DUSP2: variants seen among roughly 807,000 people sequenced by gnomAD.
The protein encoded by DUSP2 is dual specificity protein phosphatase 2.
DUSP2 carries 20 observed loss-of-function variants against 23.3 expected under a neutral mutation model. The ratio of observed to expected loss-of-function variants is 0.86; its 90% CI spans 0.60 to 1.25. DUSP2 has a LOEUF of 1.25. Among genes scored for constraint, DUSP2 ranks in the 50% most tolerant of loss-of-function variants. DUSP2 has a pLI of 0.00. For missense variants in DUSP2, 435 were observed against 452.6 expected, an observed-to-expected ratio of 0.96 and a Z score of 0.35; for synonymous variants, 231 against 209.7, an observed-to-expected ratio of 1.10 and a Z score of -0.88.
In DUSP2 at chr2:96,145,081, C is replaced by T. The variant is rs1003801270; in HGVS notation, c.274G>A (p.Asp92Asn). The change falls in exon 1 of 4, where the codon GAC becomes AAC. Residue 92 changes from aspartate (D) to asparagine (N), a missense_variant. Coordinates refer to ENST00000288943, the MANE Select transcript of DUSP2 (RefSeq NM_004418.4). ...TCCGCCACCGAGGCACTGCCCTCGTCCAGCACCACGGCCCGCGCCAGCTCC... is the reference window on the plus strand; with the variant it reads ...TCCGCCACCGAGGCACTGCCCTCGTTCAGCACCACGGCCCGCGCCAGCTCC... The part of the protein sequence containing the change: ...RGELARAVVL[D>N]EGSASVAELR... 1 of 1,489,686 alleles carries T rather than the reference C, an allele frequency of 6.7e-7. No homozygotes were observed. The highest frequency in any genetic ancestry group is 1.3e-5 in the South Asian group (1 of 78,088). 92.3% of individuals were successfully genotyped at this position (1,489,686 alleles called of 1,614,324 possible). A position where few individuals can be genotyped will look rare whatever the true frequency, so the allele number is the denominator to read the frequency against.
rs146609611 is a variant in DUSP2, at chr2:96,143,804, C to G, written c.*19G>C. On this transcript the variant is annotated 3_prime_UTR_variant, in exon 4 of 4. Transcript: ENST00000288943. The stretch of plus-strand genomic sequence containing the variant: ...GCTCCTGCCAGCACAGTGGGGCAGG[C>G]AGGCAGAGGGGCACCACCTCAGTGA... 8.8e-3 allele frequency: 14,177 copies of G among 1,610,132 alleles called. 68 individuals carry two copies. The highest frequency in any genetic ancestry group is 0.011 in the Non-Finnish European group (12,663 of 1,178,668).
chr2:96,144,793 G>A lies in DUSP2; in HGVS notation c.478C>T (p.Arg160Cys), dbSNP rs1416067799. The A allele has an allele frequency of 1.1e-5, 18 of 1,586,618 alleles. No homozygotes were observed. In the East Asian group the frequency reaches 3.0e-4, roughly 26 times the overall value. Reference sequence around the variant, plus strand: ...TAGACAGGAGCCCTGGAGTCGGAGCGGCTGGTTTTGTCCCCTGTTGGCGGC... The same window carrying A: ...TAGACAGGAGCCCTGGAGTCGGAGCAGCTGGTTTTGTCCCCTGTTGGCGGC... Reference protein sequence around the residue: ...ALPPTGDKTSRSDSRAPVYDQ... With the variant: ...ALPPTGDKTSCSDSRAPVYDQ... The change falls in exon 2 of 4, where the codon CGC (arginine) becomes TGC (cysteine). Residue 160 changes from arginine to cysteine, a missense_variant. Physicochemically the swap from Arg to Cys is radical, Grantham distance 180. Transcript: ENST00000288943.
chr2:96,144,998 G>A lies in DUSP2; in HGVS notation c.357C>T (p.Arg119=), dbSNP rs1313209623. The part of the protein sequence containing the change: ...VLLAALLHET[R]AGPTAVYFLR... ...GGAAGTACACGGCAGTGGGCCCCGC[G>A]CGGGTCTCGTGCAGCAGCGCGGCCA... The change falls in exon 1 of 4, where the codon CGC becomes CGT. Residue 119 remains arginine, a synonymous_variant. Transcript: ENST00000288943. The A allele has an allele frequency of 7.1e-6, 11 of 1,543,140 alleles. No homozygotes were observed. Among genetic ancestry groups the A allele is most frequent in the East Asian group, 4.8e-5 (2 of 41,770 alleles).
intron 2 of DUSP2, 124 bp downstream of exon 2, chr2:96,144,637 A>G (rs1324116166): frequency 1.1e-6 from 1 of 922,272 alleles, no homozygotes; most frequent in Non-Finnish European, 1.6e-6. Flanking sequence ...CAACACACAC[A>G]CGTATAAAAG....
chr2:96,143,909 C>T lies in DUSP2; in HGVS notation c.859G>A (p.Val287Ile), dbSNP rs201899099. 37 of 1,613,806 alleles carry T rather than the reference C, an allele frequency of 2.3e-5. 1 individual carries two copies. In the Admixed American group the frequency reaches 3.2e-4, roughly 14 times the overall value. ...GAGATGACCCCCCGGCGCTGCTTAA[C>T]GAAGTCAAAGGCCTCGTCCAGCCGC... The part of the protein sequence containing the change: ...RVRLDEAFDF[V>I]KQRRGVISPN... The change falls in exon 4 of 4, where the codon GTT (valine) becomes ATT (isoleucine). Residue 287 changes from valine to isoleucine, a missense_variant. Coordinates refer to ENST00000288943, the MANE Select transcript of DUSP2 (RefSeq NM_004418.4).
At position 96,144,238 on chromosome 2, in the gene DUSP2, G is replaced by C. The variant is rs372344461; in HGVS notation, c.646C>G (p.Leu216Val). 2 of 1,614,026 alleles carry C rather than the reference G, an allele frequency of 1.2e-6. No individual in the cohort carries two copies. The highest frequency in any genetic ancestry group is 2.7e-5 in the African/African-American group (2 of 74,946). ...SASCPNHFEG[L>V]FRYKSIPVED... ...ACAGGGATACTCTTGTAGCGGAAAAGGCCCTCAAAGTGGTTGGGGCAGCTG... is the reference window on the plus strand; with the variant it reads ...ACAGGGATACTCTTGTAGCGGAAAACGCCCTCAAAGTGGTTGGGGCAGCTG... Residue 216 changes from leucine to valine, a missense_variant, in exon 3 of 4, where the codon CTT becomes GTT. Leu to Val is a conservative substitution (Grantham distance 32). Transcript: ENST00000288943.
rs190041400 is a variant in DUSP2, at chr2:96,144,389, G to T, written c.511-16C>A. On this transcript the variant is annotated splice_polypyrimidine_tract_variant and intron_variant, in intron 2 of 3. Transcript: ENST00000288943. Reference sequence around the variant, plus strand: ...CAGGGCCACCCTGGAGGGAACAGAGGGGCGGTGAGGCCTTTCCAGCCCAGC... The same window carrying T: ...CAGGGCCACCCTGGAGGGAACAGAGTGGCGGTGAGGCCTTTCCAGCCCAGC... 4.4e-4 allele frequency: 702 copies of T among 1,607,120 alleles called. 15 individuals carry two copies. The East Asian group carries it at 0.016, about 36-fold the overall frequency.
Position 96,144,227 on chromosome 2 carries a change from G to A in DUSP2, c.657C>T (p.Tyr219=), listed in dbSNP as rs1165048677. ...CPNHFEGLFR[Y]KSIPVEDNQM... ...GGTTGTCCTCCACAGGGATACTCTT[G>A]TAGCGGAAAAGGCCCTCAAAGTGGT... Residue 219 remains tyrosine (Y), a synonymous_variant, in exon 3 of 4, where the codon TAC becomes TAT. Coordinates refer to ENST00000288943, the MANE Select transcript of DUSP2 (RefSeq NM_004418.4). 2.5e-6 allele frequency: 4 copies of A among 1,614,146 alleles called. No homozygotes were observed. Among genetic ancestry groups the A allele is most frequent in the Non-Finnish European group, 1.7e-6 (2 of 1,180,046 alleles).
intron 1 of DUSP2, 21 bp from the exon 2 acceptor site, chr2:96,144,903 C>G (rs778377674): frequency 7.8e-6 from 12 of 1,548,052 alleles, no homozygotes; most frequent in African/African-American, 1.4e-5. Context: ...GGGAAGAGCA[C>G]GATCAGCAGG....
chr2:96,144,832 G>A lies in DUSP2; in HGVS notation c.439C>T (p.Pro147Ser). ...CCTGTTGGCGGCAGCGCAGGGGCGGGGGCCTCAGAGCACAGATCGGGACAG... is the reference window on the plus strand; with the variant it reads ...CCTGTTGGCGGCAGCGCAGGGGCGGAGGCCTCAGAGCACAGATCGGGACAG... ...GCCPDLCSEA[P>S]APALPPTGDK... The change falls in exon 2 of 4, where the codon CCC (proline) becomes TCC (serine). Residue 147 changes from proline to serine, a missense_variant. Coordinates refer to ENST00000288943, the MANE Select transcript of DUSP2 (RefSeq NM_004418.4). 2 of 1,562,392 alleles carry A rather than the reference G, an allele frequency of 1.3e-6. No individual in the cohort carries two copies. The highest frequency in any genetic ancestry group is 3.9e-5 in the Admixed American group (2 of 51,614).
At position 96,144,016 on chromosome 2, in the gene DUSP2, C is replaced by T. The variant is rs1184881683; in HGVS notation, c.752G>A (p.Gly251Asp). The T allele has an allele frequency of 6.2e-7, 1 of 1,613,656 alleles. No homozygotes were observed. The highest frequency in any genetic ancestry group is 1.7e-5 in the Admixed American group (1 of 59,998). The change falls in exon 4 of 4, where the codon GGC becomes GAC. Residue 251 changes from glycine to aspartate, a missense_variant. Transcript: ENST00000288943. ...GFIDWVKNSG[G>D]RVLVHCQAGI... Reference sequence around the variant, plus strand: ...CGCCTGGCAGTGCACCAGCACCCGGCCTCCGCTGTTCTTCACCCAGTCTGC... The same window carrying T: ...CGCCTGGCAGTGCACCAGCACCCGGTCTCCGCTGTTCTTCACCCAGTCTGC...
rs201468327 is a variant in DUSP2 at position 96,144,753 on chromosome 2, A to T, written c.510+8T>A. 5 of 1,578,230 alleles carry T rather than the reference A, an allele frequency of 3.2e-6. No homozygotes were observed. In the African/African-American group the frequency reaches 5.4e-5, roughly 17 times the overall value. ...AGGGAGGTTCGGGGGAGGGGGGTCA[A>T]TACTCACCTGGTCGTAGACAGGAGC... On this transcript the variant is annotated splice_region_variant and intron_variant, in intron 2 of 3. Coordinates refer to ENST00000288943, the MANE Select transcript of DUSP2 (RefSeq NM_004418.4).
Position 96,143,780 on chromosome 2 carries a change from C to T in DUSP2, c.*43G>A. The T allele has an allele frequency of 1.2e-6, 2 of 1,602,476 alleles. No homozygotes were observed. Among genetic ancestry groups the T allele is most frequent in the South Asian group, 1.1e-5 (1 of 90,132 alleles). ...GGGGAGCCCACCAGTCCACAGTCAG[C>T]TCCTGCCAGCACAGTGGGGCAGGCA... is the stretch of plus-strand genomic sequence containing the variant. On this transcript the variant is annotated 3_prime_UTR_variant, in exon 4 of 4. Transcript: ENST00000288943.
Position 96,144,853 on chromosome 2 carries a change from G to T in DUSP2, c.418C>A (p.Pro140Thr). The T allele has an allele frequency of 6.4e-7, 1 of 1,555,842 alleles. No homozygotes were observed. Among genetic ancestry groups the T allele is most frequent in the South Asian group, 1.2e-5 (1 of 84,358 alleles). The change falls in exon 2 of 4, where the codon CCC becomes ACC. Residue 140 changes from proline (P) to threonine (T), a missense_variant. Pro to Thr is a conservative substitution (Grantham distance 38). Coordinates refer to ENST00000288943, the MANE Select transcript of DUSP2 (RefSeq NM_004418.4). ...GGFDGFQGCC[P>T]DLCSEAPAPA... ...GCGGGGGCCTCAGAGCACAGATCGG[G>T]ACAGCAGCCCTGGAAGCCGTCGAAG... is the stretch of plus-strand genomic sequence containing the variant.
intron 2 of DUSP2, 154 bp downstream of exon 2, chr2:96,144,607 C>G (rs576187055): frequency 1.3e-6 from 1 of 796,322 alleles, no homozygotes; most frequent in African/African-American, 1.7e-5. Context: ...GCGCGAGCAG[C>G]CATGCCCCAC....
At position 96,145,341 on chromosome 2, in the gene DUSP2, G is replaced by A. The variant is rs534446919; in HGVS notation, c.14C>T (p.Ala5Val). Residue 5 changes from alanine to valine, a missense_variant, in exon 1 of 4, where the codon GCG becomes GTG. Transcript: ENST00000288943. MGLE[A>V]ARELECAALG... is the part of the protein sequence containing the mutation. Reference sequence around the variant, plus strand: ...CGCCGCGCACTCCAGCTCGCGCGCCGCCTCCAGCCCCATGGCCACCGGTGC... The same window carrying A: ...CGCCGCGCACTCCAGCTCGCGCGCCACCTCCAGCCCCATGGCCACCGGTGC... 2.8e-6 allele frequency: 4 copies of A among 1,421,216 alleles called. No homozygotes were observed. Among genetic ancestry groups the A allele is most frequent in the Admixed American group, 2.7e-5 (1 of 37,308 alleles). The allele number at this position is 1,421,216 out of a possible 1,614,324, so 88.0% of individuals were successfully genotyped here. A position where few individuals can be genotyped will look rare whatever the true frequency, so the allele number is the denominator to read the frequency against.
rs776220088 is a variant in DUSP2 at position 96,144,786 on chromosome 2, T to TCGGAG, written c.480_484dup (p.Asp162AlafsTer81). ...CTGGTCGTAGACAGGAGCCCTGGAG[T>TCGGAG]CGGAGCGGCTGGTTTTGTCCCCTGT... On this transcript the variant is annotated frameshift_variant, in exon 2 of 4. Transcript: ENST00000288943. LOFTEE classifies it high-confidence loss of function. 1 of 1,587,920 alleles carries TCGGAG rather than the reference T, an allele frequency of 6.3e-7. No individual in the cohort carries two copies. Among genetic ancestry groups the TCGGAG allele is most frequent in the East Asian group, 2.3e-5 (1 of 43,718 alleles).
In DUSP2 at chr2:96,143,898, G is replaced by C; in HGVS notation, c.870C>G (p.Arg290=). ...TGAAGTTGGGGGAGATGACCCCCCG[G>C]CGCTGCTTAACGAAGTCAAAGGCCT... is the stretch of plus-strand genomic sequence containing the variant. ...LDEAFDFVKQ[R]RGVISPNFSF... Residue 290 remains arginine, a synonymous_variant, in exon 4 of 4, where the codon CGC becomes CGG. Coordinates refer to ENST00000288943, the MANE Select transcript of DUSP2 (RefSeq NM_004418.4). 1.2e-6 allele frequency: 2 copies of C among 1,613,750 alleles called. No individual in the cohort carries two copies. The highest frequency in any genetic ancestry group is 1.1e-5 in the South Asian group (1 of 91,080).
intron 1 of DUSP2, 28 bp downstream of exon 1, chr2:96,144,939 G>C (rs577846736): frequency 6.5e-7 from 1 of 1,548,714 alleles, no homozygotes; most frequent in African/African-American, 1.4e-5. Flanking sequence ...GTCGGGTGGG[G>C]CGGGCCAAGG....
Sources: gnomAD v4.1 joint callset for allele counts on GRCh38, gnomAD v4.1.1 for gene constraint, MANE v1.5 for transcripts, NCBI Gene and HGNC (gene_info 2026-07-23, HGNC 2026-07-21) for gene names.